The following ILDR2 variants were observed in gnomAD, a reference collection of about 807,000 sequenced individuals.
The protein encoded by ILDR2 is immunoglobulin-like domain-containing receptor 2.
Under a neutral mutation model 66.8 loss-of-function variants are expected in ILDR2, and 25 were observed. The observed-to-expected ratio is 0.37, with a 90% CI of 0.27 to 0.52. The LOEUF (loss-of-function observed/expected upper bound fraction) is 0.52, where lower values mean the gene tolerates loss of function less well. Among genes scored for constraint, ILDR2 ranks in the 20% least tolerant of loss-of-function variants. The probability of loss-of-function intolerance (pLI) is 0.88; values close to 1 mark genes in which losing one functional copy is unlikely to be tolerated. For synonymous variants in ILDR2, 367 were observed against 357.2 expected (o/e 1.03, Z -0.31); for missense variants, 827 against 876.8 (o/e 0.94, Z 0.72).
At chr1:166,905,323 A>G (rs1219252635), downstream of ILDR2, among the ~76,000 whole-genome samples, 2 of 152,190 alleles carry the variant, frequency 1.3e-5, no homozygotes, top group African/African-American at 4.8e-5. Context: ...AACCCATTAA[A>G]TCATTTAATA....
chr1:166,930,921 A>C (rs1037335236), intron 6 of ILDR2, among the ~76,000 whole-genome samples: 2 of 152,212 alleles, frequency 1.3e-5, no homozygotes, highest in African/African-American at 4.8e-5. Flanking sequence ...TTAATAAGAA[A>C]TGTCCTAGAC....
intron 1 of ILDR2, among the ~76,000 whole-genome samples, chr1:166,967,266 T>C (rs10918603): frequency 0.17 from 26,173 of 152,134 alleles, 2,375 homozygotes; most frequent in Non-Finnish European, 0.19. Context: ...AAGCTGCATG[T>C]TGGAAACGGT....
intron 6 of ILDR2, among the ~76,000 whole-genome samples, chr1:166,932,707 A>G (rs899260644): frequency 9.2e-5 from 14 of 152,328 alleles, no homozygotes; most frequent in Admixed American, 9.2e-4. Context: ...TCAGGAACCA[A>G]CTGGCTATAC....
intron 6 of ILDR2, among the ~76,000 whole-genome samples, chr1:166,928,431 A>C (rs534113573): frequency 6.6e-6 from 1 of 152,342 alleles, no homozygotes; most frequent in African/African-American, 2.4e-5. Flanking sequence ...GCCCAGAGTA[A>C]GAACTGCTTT....
rs1441478771 is a variant in ILDR2, at chr1:166,913,559, C to A, written c.*5796G>T. Reference sequence around the variant, plus strand: ...TCAGACTAGTTACTTCATGGCCAGCCCCACCAAGAAACTCTAAGAAAAATT... The same window carrying A: ...TCAGACTAGTTACTTCATGGCCAGCACCACCAAGAAACTCTAAGAAAAATT... On this transcript the variant is annotated 3_prime_UTR_variant, in exon 10 of 10. Coordinates refer to ENST00000271417, the MANE Select transcript of ILDR2 (RefSeq NM_199351.3). 6.6e-6 allele frequency: 1 copy of A among 152,124 alleles called. No homozygotes were observed. The highest frequency in any genetic ancestry group is 2.4e-5 in the African/African-American group (1 of 41,494). The allele number at this position is 152,124 out of a possible 1,614,324, so 9.4% of individuals were successfully genotyped here.
At chr1:166,943,953 ACAGTTTTCCC>A in intron 3 of ILDR2, 1 of 588,964 alleles carries the variant, frequency 1.7e-6, no homozygotes, top group Non-Finnish European at 2.1e-6. Context: ...AAGCGCTCAA[ACAGTTTTCCC>A]CAAATCTTGC....
chr1:166,951,626 TA>T (rs1243546352), intron 3 of ILDR2, among the ~76,000 whole-genome samples: 1 of 152,192 alleles, frequency 6.6e-6, no homozygotes, highest in Non-Finnish European at 1.5e-5. Context: ...TCTTTTTTTC[TA>T]AAACAGAAAC....
intron 4 of ILDR2, among the ~76,000 whole-genome samples, chr1:166,938,527 C>T (rs1410675381): frequency 6.6e-6 from 1 of 152,160 alleles, no homozygotes; most frequent in Non-Finnish European, 1.5e-5. Context: ...AAGAGGCATA[C>T]ATTTGTGTCC....
At chr1:166,940,946 C>G (rs1022646941) in intron 3 of ILDR2, among the ~76,000 whole-genome samples, 16 of 152,316 alleles carry the variant, frequency 1.1e-4, no homozygotes, top group Admixed American at 9.8e-4. Context: ...AAAAGAAGCT[C>G]TGACAAAGGT....
intron 2 of ILDR2, among the ~76,000 whole-genome samples, chr1:166,902,351 C>T (rs916391421): frequency 6.6e-6 from 1 of 152,210 alleles, no homozygotes; most frequent in African/African-American, 2.4e-5. Context: ...CCTGAATTTG[C>T]CTGGGTGTCA....
At chr1:166,941,979 A>G (rs1317110610) in intron 3 of ILDR2, among the ~76,000 whole-genome samples, 1 of 152,240 alleles carries the variant, frequency 6.6e-6, no homozygotes, top group Non-Finnish European at 1.5e-5. Context: ...AAAGCAGTGA[A>G]CTGGGAGTCA....
At chr1:166,932,405 A>G (rs963402975) in intron 6 of ILDR2, among the ~76,000 whole-genome samples, 3 of 152,226 alleles carry the variant, frequency 2.0e-5, no homozygotes, top group Non-Finnish European at 4.4e-5. Flanking sequence ...GGGACAGGAA[A>G]GCAACATCTG....
intron 2 of ILDR2, among the ~76,000 whole-genome samples, chr1:166,901,238 A>C (rs6427044): frequency 0.96 from 145,921 of 152,288 alleles, 69,966 homozygotes; most frequent in East Asian, 1. Flanking sequence ...GGCAGCAACA[A>C]CAACGATTGA....
chr1:166,919,484 C>G, intron 9 of ILDR2, 94 bp from the exon 10 acceptor site: 1 of 1,139,046 alleles, frequency 8.8e-7, no homozygotes, highest in Non-Finnish European at 1.3e-6. Flanking sequence ...GTCCACAACC[C>G]GTTCAGTGCC....
At chr1:166,949,315 T>C (rs1661831508) in intron 3 of ILDR2, among the ~76,000 whole-genome samples, 1 of 152,254 alleles carries the variant, frequency 6.6e-6, no homozygotes, top group African/African-American at 2.4e-5. Flanking sequence ...ATGGCCTACA[T>C]ATTTAATATC....
intron 3 of ILDR2, among the ~76,000 whole-genome samples, chr1:166,949,098 C>T (rs1210181111): frequency 6.6e-6 from 1 of 152,248 alleles, no homozygotes; most frequent in Non-Finnish European, 1.5e-5. Context: ...ATCAGTTTCA[C>T]AGCCTCAGCA....
chr1:166,964,511 A>C (rs1369828832), intron 1 of ILDR2, among the ~76,000 whole-genome samples: 1 of 152,246 alleles, frequency 6.6e-6, no homozygotes, highest in African/African-American at 2.4e-5. Flanking sequence ...AAGCTAAAAA[A>C]TGTGGAATGA....
intron 1 of ILDR2, among the ~76,000 whole-genome samples, chr1:166,968,832 G>T (rs1571214731): frequency 6.6e-6 from 1 of 152,116 alleles, no homozygotes; most frequent in Admixed American, 6.5e-5. Context: ...AGTAAGAAGA[G>T]AATTGGAATT....
intron 1 of ILDR2, among the ~76,000 whole-genome samples, chr1:166,967,700 G>C (rs1354037645): frequency 6.6e-6 from 1 of 152,186 alleles, no homozygotes; most frequent in Middle Eastern, 3.2e-3. Context: ...AGGCTGCAGT[G>C]AGCTGAGATC....
Sources: gnomAD v4.1 joint callset for allele counts (sites outside exome capture counted in the v4.1 genomes callset) on GRCh38, gnomAD v4.1.1 for gene constraint, MANE v1.5 for transcripts, NCBI Gene and HGNC (gene_info 2026-07-23, HGNC 2026-07-21) for gene names.